The following LRCH2 variants were observed in gnomAD, a reference collection of about 807,000 sequenced individuals.
LRCH2 encodes leucine-rich repeat and calponin homology domain-containing protein 2.
In LRCH2, 38 loss-of-function variants were observed where a neutral mutation model predicts 68.9. The ratio of observed to expected loss-of-function variants is 0.55; its 90% CI spans 0.43 to 0.72. The LOEUF is 0.72. Among genes scored for constraint, LRCH2 ranks in the 30% least tolerant of loss-of-function variants. The probability of loss-of-function intolerance (pLI) is 0.00; values close to 1 mark genes in which losing one functional copy is unlikely to be tolerated. For missense variants in LRCH2, 528 were observed against 572.9 expected (o/e 0.92, Z 0.80); for synonymous variants, 191 against 208.1 (o/e 0.92, Z 0.71).
chrX:115,143,094 TAAAC>T (rs782312016), intron 14 of LRCH2, among the ~76,000 whole-genome samples: 5 of 110,244 alleles, frequency 4.5e-5, no homozygotes, highest in Non-Finnish European at 5.7e-5. Context: ...GACTCTGGTT[TAAAC>T]AAACAAACAA....
rs201095032 is a variant in LRCH2, at chrX:115,191,014, C to T, written c.350-2644G>A. ...CTCTCTGGATGCCAACAGCGGAGGC[C>T]GTTCACCCGACACCCACAGTGGGGG... is the stretch of plus-strand genomic sequence containing the variant. On this transcript the variant is annotated intron_variant, in intron 1 of 20. Transcript: ENST00000317135. The T allele has an allele frequency of 1.3e-3, 1,547 of 1,161,523 alleles. 1 individual carries two copies. The highest frequency in any genetic ancestry group is 1.7e-3 in the Non-Finnish European group (1,485 of 871,563).
rs1254297077 is a variant in LRCH2 at position 115,192,226 on chromosome X, G to A, written c.350-3856C>T. The A allele has an allele frequency of 5.4e-5, 63 of 1,161,855 alleles. No individual in the cohort carries two copies. The highest frequency in any genetic ancestry group is 2.3e-4 in the Middle Eastern group (1 of 4,309). On this transcript the variant is annotated intron_variant, in intron 1 of 20. Transcript: ENST00000317135. ...GCCCAATGCCTACGGCGGGGGCCGCGGCCTCAACAGTTCCAACAACAGTCA... is the reference window on the plus strand; with the variant it reads ...GCCCAATGCCTACGGCGGGGGCCGCAGCCTCAACAGTTCCAACAACAGTCA...
intron 1 of LRCH2, among the ~76,000 whole-genome samples, chrX:115,208,544 A>G (rs1486686912): frequency 3.6e-5 from 4 of 111,498 alleles, no homozygotes; most frequent in African/African-American, 1.3e-4. Flanking sequence ...GAAGCTAGAG[A>G]AGAAGGAGAG....
At chrX:115,160,187 A>G (rs914242163) in intron 11 of LRCH2, among the ~76,000 whole-genome samples, 2 of 110,093 alleles carry the variant, frequency 1.8e-5, no homozygotes, top group Non-Finnish European at 1.9e-5. Context: ...ATGCTAGCGC[A>G]TGCCTGTAGT....
intron 6 of LRCH2, among the ~76,000 whole-genome samples, chrX:115,167,242 C>CT (rs1364244267): frequency 3.3e-5 from 1 of 30,528 alleles, no homozygotes; most frequent in Non-Finnish European, 7.1e-5. Context: ...CAAAAAAAAA[C>CT]TTTTTTTTGT....
At chrX:115,206,260 T>C (rs1032541688) in intron 1 of LRCH2, among the ~76,000 whole-genome samples, 3 of 112,631 alleles carry the variant, frequency 2.7e-5, no homozygotes, top group African/African-American at 9.7e-5. Context: ...ATTATTCTAA[T>C]TTAATGGAGT....
At chrX:115,114,622 A>G (rs1177824291) in intron 20 of LRCH2, among the ~76,000 whole-genome samples, 1 of 111,189 alleles carries the variant, frequency 9.0e-6, no homozygotes, top group Non-Finnish European at 1.9e-5. Context: ...AAGGAAAGAG[A>G]GAATACACAA....
chrX:115,223,781 C>T (rs1417045269), intron 1 of LRCH2, among the ~76,000 whole-genome samples: 2 of 109,066 alleles, frequency 1.8e-5, no homozygotes, highest in African/African-American at 6.7e-5. Flanking sequence ...CAAAAATTAG[C>T]CAGGCATGGT....
chrX:115,226,177 A>G (rs1447594865), intron 1 of LRCH2, among the ~76,000 whole-genome samples: 3 of 111,789 alleles, frequency 2.7e-5, no homozygotes, highest in Admixed American at 1.9e-4. Context: ...GAAAGTGAAT[A>G]AAGATGGTAT....
At chrX:115,216,566 C>T (rs2073043242) in intron 1 of LRCH2, among the ~76,000 whole-genome samples, 1 of 111,772 alleles carries the variant, frequency 8.9e-6, no homozygotes, top group African/African-American at 3.3e-5. Flanking sequence ...GCCAATGTAC[C>T]ACCCTACACC....
rs781961257 is a variant in LRCH2 at position 115,130,132 on chromosome X, TTATTAA to T, written c.1740+17_1740+22del. ...TATGATAAGTAAACATTTCAAATAATTATTAATATTATCTTTTCTCACCTCATCATT... is the reference window on the plus strand; with the variant it reads ...TATGATAAGTAAACATTTCAAATAATTATTATCTTTTCTCACCTCATCATT... On this transcript the variant is annotated intron_variant, in intron 15 of 20. Transcript: ENST00000317135. 2.9e-5 allele frequency: 27 copies of T among 919,130 alleles called. No homozygotes were observed. The highest frequency in any genetic ancestry group is 2.7e-4 in the Middle Eastern group (1 of 3,717). 75.7% of individuals were successfully genotyped at this position (919,130 alleles called of 1,213,427 possible).
intron 15 of LRCH2, among the ~76,000 whole-genome samples, chrX:115,129,766 G>A (rs2072227278): frequency 9.0e-6 from 1 of 111,336 alleles, no homozygotes; most frequent in African/African-American, 3.3e-5. Context: ...TGTAGAAGTC[G>A]AATTTTAAAT....
rs1403664113 is a variant in LRCH2 at position 115,111,440 on chromosome X, A to C, written c.*1776T>G. ...ATTGCTGTGTTTTTAATGGTCACTT[A>C]ATTTGTAATGCTGTCAAATTTCTAC... is the stretch of plus-strand genomic sequence containing the variant. On this transcript the variant is annotated 3_prime_UTR_variant, in exon 21 of 21. Transcript: ENST00000317135. 4.5e-5 allele frequency: 5 copies of C among 110,247 alleles called. No individual in the cohort carries two copies. The highest frequency in any genetic ancestry group is 9.5e-5 in the Non-Finnish European group (5 of 52,807). 9.1% of individuals were successfully genotyped at this position (110,247 alleles called of 1,213,427 possible). A position where few individuals can be genotyped will look rare whatever the true frequency, so the allele number is the denominator to read the frequency against.
chrX:115,165,484 A>AT lies in LRCH2; in HGVS notation c.1297-22dup, dbSNP rs1220102191. 12 of 1,099,215 alleles carry AT rather than the reference A, an allele frequency of 1.1e-5. No homozygotes were observed. The African/African-American group carries it at 2.1e-4, about 19-fold the overall frequency. 90.6% of individuals were successfully genotyped at this position (1,099,215 alleles called of 1,213,427 possible). A position where few individuals can be genotyped will look rare whatever the true frequency, so the allele number is the denominator to read the frequency against. Reference sequence around the variant, plus strand: ...TTTCCCTTATATAAAAGAAAGTTACATTTTAAATTGTATAGTCCACTTTTA... The same window carrying AT: ...TTTCCCTTATATAAAAGAAAGTTACATTTTTAAATTGTATAGTCCACTTTTA... On this transcript the variant is annotated intron_variant, in intron 9 of 20. Transcript: ENST00000317135.
intron 1 of LRCH2, among the ~76,000 whole-genome samples, chrX:115,229,197 C>A: frequency 9.0e-6 from 1 of 111,361 alleles, no homozygotes; most frequent in Middle Eastern, 4.6e-3. Flanking sequence ...GAATAAATAA[C>A]CTATTTATTG....
At chrX:115,119,004 T>A (rs2072110596) in intron 20 of LRCH2, among the ~76,000 whole-genome samples, 1 of 111,550 alleles carries the variant, frequency 9.0e-6, no homozygotes, top group Non-Finnish European at 1.9e-5. Flanking sequence ...AATTAGGTAT[T>A]GATGGGACGT....
intron 1 of LRCH2, among the ~76,000 whole-genome samples, chrX:115,193,486 A>C (rs2072862517): frequency 9.0e-6 from 1 of 111,576 alleles, no homozygotes; most frequent in African/African-American, 3.3e-5. Flanking sequence ...TTCATCCTTG[A>C]TTCATTCCTC....
chrX:115,184,901 T>C (rs1045601703), intron 2 of LRCH2, among the ~76,000 whole-genome samples: 1 of 111,968 alleles, frequency 8.9e-6, no homozygotes, highest in African/African-American at 3.2e-5. Flanking sequence ...AAACCCAGAA[T>C]GATTCCTCCG....
intron 1 of LRCH2, among the ~76,000 whole-genome samples, chrX:115,214,031 T>C (rs782519038): frequency 1.1e-4 from 12 of 111,941 alleles, no homozygotes; most frequent in Non-Finnish European, 1.5e-4. Flanking sequence ...AAAAAATATA[T>C]AGCAGAAATA....
Sources: allele counts gnomAD v4.1 joint callset (sites outside exome capture counted in the v4.1 genomes callset), GRCh38; gene constraint gnomAD v4.1.1; transcripts MANE v1.5; gene names NCBI Gene and HGNC (gene_info 2026-07-23, HGNC 2026-07-21).